FBXO11: variants seen among roughly 807,000 people sequenced by gnomAD.
FBXO11 encodes the protein F-box protein 11, also known as F-box only protein 11.
In FBXO11, 13 loss-of-function variants were observed where a neutral mutation model predicts 117.0. The observed-to-expected ratio is 0.11, with a 90% CI of 0.07 to 0.18. The LOEUF is 0.18. Among genes scored for constraint, FBXO11 ranks in the 10% least tolerant of loss-of-function variants. The pLI is 1.00. For synonymous variants in FBXO11, 490 were observed against 380.5 expected (o/e 1.29, Z -3.35); for missense variants, 767 against 1,164.4 (o/e 0.66, Z 4.97).
At chr2:47,814,913 A>C (rs1670903119) in intron 16 of FBXO11, among the ~76,000 whole-genome samples, 1 of 152,184 alleles carries the variant, frequency 6.6e-6, no homozygotes, top group Non-Finnish European at 1.5e-5. Context: ...CTTCAACAGG[A>C]ACAGACCCCA....
At chr2:47,883,747 G>T in intron 1 of FBXO11, 1 of 267,600 alleles carries the variant, frequency 3.7e-6, no homozygotes, top group South Asian at 4.6e-5. Context: ...GGTTAAGTTG[G>T]CTGTCCTTAA....
rs1163777226 is a variant in FBXO11 at position 47,808,073 on chromosome 2, A to G, written c.*45T>C. On this transcript the variant is annotated 3_prime_UTR_variant, in exon 23 of 23. Transcript: ENST00000403359. ...AATCTTCTTCCAAAAAAGTGTTTTAAGTTATGATGTTACAATGGCAGGACT... is the reference window on the plus strand; with the variant it reads ...AATCTTCTTCCAAAAAAGTGTTTTAGGTTATGATGTTACAATGGCAGGACT... The G allele has an allele frequency of 1.3e-6, 2 of 1,525,008 alleles. No individual in the cohort carries two copies. Among genetic ancestry groups the G allele is most frequent in the South Asian group, 2.3e-5 (2 of 85,264 alleles). The allele number at this position is 1,525,008 out of a possible 1,614,324, so 94.5% of individuals were successfully genotyped here. A position where few individuals can be genotyped will look rare whatever the true frequency, so the allele number is the denominator to read the frequency against.
At chr2:47,879,276 G>C (rs1343936933) in intron 1 of FBXO11, among the ~76,000 whole-genome samples, 2 of 152,184 alleles carry the variant, frequency 1.3e-5, no homozygotes, top group Non-Finnish European at 2.9e-5. Flanking sequence ...TAAAGTATAA[G>C]ATAAATTTCA....
At chr2:47,856,287 C>T (rs550124001) in intron 1 of FBXO11, among the ~76,000 whole-genome samples, 1 of 152,246 alleles carries the variant, frequency 6.6e-6, no homozygotes, top group Non-Finnish European at 1.5e-5. Flanking sequence ...TAAAGTTAAT[C>T]TTCTCCACAA....
chr2:47,896,322 TTTC>T (rs1285189696), intron 1 of FBXO11, among the ~76,000 whole-genome samples: 2 of 123,736 alleles, frequency 1.6e-5, no homozygotes, highest in African/African-American at 6.3e-5. Context: ...CTCCAAATTG[TTTC>T]TTTTCTTTTT....
chr2:47,822,398 AT>A (rs1273848240), intron 12 of FBXO11, 95 bp from the exon 13 acceptor site: 1 of 721,094 alleles, frequency 1.4e-6, no homozygotes. Flanking sequence ...CATATAACAA[AT>A]TACATAAACT....
Position 47,807,184 on chromosome 2 carries a change from G to A in FBXO11, c.*934C>T. 3.7e-6 allele frequency: 1 copy of A among 271,486 alleles called. No homozygotes were observed. Among genetic ancestry groups the A allele is most frequent in the Non-Finnish European group, 7.0e-6 (1 of 142,442 alleles). 16.8% of individuals were successfully genotyped at this position (271,486 alleles called of 1,614,324 possible). A position where few individuals can be genotyped will look rare whatever the true frequency, so the allele number is the denominator to read the frequency against. On this transcript the variant is annotated 3_prime_UTR_variant, in exon 23 of 23. Coordinates refer to ENST00000403359, the MANE Select transcript of FBXO11 (RefSeq NM_001190274.2). ...TTGTCTCAGCTTAATGCAGGAAATT[G>A]GTTTAATTTCCAGCAGTTTTGTCTA...
chr2:47,852,250 A>G (rs1673929560), intron 1 of FBXO11, among the ~76,000 whole-genome samples: 1 of 152,138 alleles, frequency 6.6e-6, no homozygotes, highest in South Asian at 2.1e-4. Flanking sequence ...TCGGCCTCCC[A>G]AAGTGCTGGG....
chr2:47,852,411 C>T (rs1452539549), intron 1 of FBXO11, among the ~76,000 whole-genome samples: 1 of 152,174 alleles, frequency 6.6e-6, no homozygotes, highest in Admixed American at 6.5e-5. Flanking sequence ...TGTGGTACTG[C>T]AACATGATTT....
intron 1 of FBXO11, among the ~76,000 whole-genome samples, chr2:47,876,019 T>C (rs763855187): frequency 6.6e-6 from 1 of 152,212 alleles, no homozygotes; most frequent in Non-Finnish European, 1.5e-5. Context: ...AAGGTATTAT[T>C]GTCATCCCCA....
chr2:47,815,345 G>A (rs1330720689), intron 16 of FBXO11, among the ~76,000 whole-genome samples: 2 of 152,214 alleles, frequency 1.3e-5, no homozygotes, highest in African/African-American at 4.8e-5. Flanking sequence ...CCAGGGAGAA[G>A]GGAGAGAGTG....
chr2:47,808,393 T>C lies in FBXO11; in HGVS notation c.2590A>G (p.Ile864Val), dbSNP rs373629400. The change falls in exon 22 of 23, where the codon ATA (isoleucine) becomes GTA (valine). Residue 864 changes from isoleucine (I) to valine (V), a missense_variant. By Grantham distance (29) the Ile-to-Val change is conservative. Transcript: ENST00000403359. ...HTCNTTDRNA[I>V]CVNCIKKCHQ... ...CACTTCTTAATGCAGTTCACACATA[T>C]GGCATTTCGATCTGTGGTGTTACAA... is the stretch of plus-strand genomic sequence containing the variant. The C allele has an allele frequency of 1.1e-5, 18 of 1,608,128 alleles. No individual in the cohort carries two copies. Among genetic ancestry groups the C allele is most frequent in the East Asian group, 4.5e-5 (2 of 44,814 alleles).
At position 47,906,405 on chromosome 2, in the gene FBXO11, TTCC is replaced by T. The variant is rs529003333; in HGVS notation, c.-688_-686del. Among the ~76,000 whole-genome samples, 196 of 152,182 alleles carry T rather than the reference TTCC, an allele frequency of 1.3e-3. 1 individual carries two copies. The highest frequency in any genetic ancestry group is 4.6e-3 in the African/African-American group (190 of 41,532). On this transcript the variant is annotated 5_prime_UTR_variant, in exon 1 of 23. Coordinates refer to ENST00000403359, the MANE Select transcript of FBXO11 (RefSeq NM_001190274.2). ...TCCTTCCTCCTCCTTAAAGGAACCT[TTCC>T]TCCTCCTCCTCGTCAGCCCTGTCGC...
At chr2:47,900,731 CGT>C (rs1359587921) in intron 1 of FBXO11, among the ~76,000 whole-genome samples, 1 of 123,102 alleles carries the variant, frequency 8.1e-6, no homozygotes, top group Non-Finnish European at 1.7e-5. Context: ...TATACACACA[CGT>C]GTATATATAT....
At chr2:47,837,073 T>G (rs1672638300) in intron 4 of FBXO11, 1 of 233,534 alleles carries the variant, frequency 4.3e-6, no homozygotes, top group Non-Finnish European at 8.8e-6. Context: ...ACTTTGAACT[T>G]AATTTGTCCT....
At chr2:47,854,712 T>C (rs1674139370) in intron 1 of FBXO11, among the ~76,000 whole-genome samples, 1 of 151,982 alleles carries the variant, frequency 6.6e-6, no homozygotes. Flanking sequence ...ATTCAGAAAA[T>C]TAGGGAGGAA....
chr2:47,823,928 C>A (rs1671559911), intron 11 of FBXO11, among the ~76,000 whole-genome samples: 1 of 151,814 alleles, frequency 6.6e-6, no homozygotes, highest in African/African-American at 2.4e-5. Context: ...CTCACGCAGC[C>A]TCAAACAATC....
chr2:47,894,992 T>A (rs1050986379), intron 1 of FBXO11, among the ~76,000 whole-genome samples: 2 of 152,156 alleles, frequency 1.3e-5, no homozygotes, highest in East Asian at 1.9e-4. Context: ...TAAAATAATT[T>A]CCAATTATTT....
intron 18 of FBXO11, chr2:47,811,256 C>G (rs1459467711): frequency 6.6e-6 from 1 of 152,292 alleles, no homozygotes; most frequent in East Asian, 1.9e-4. Flanking sequence ...GACAGAGTCT[C>G]ACTCTGCCAC....
Sources: allele counts gnomAD v4.1 joint callset (sites outside exome capture counted in the v4.1 genomes callset), GRCh38; gene constraint gnomAD v4.1.1; transcripts MANE v1.5; gene names NCBI Gene and HGNC (gene_info 2026-07-23, HGNC 2026-07-21).